USH2A: variants seen among roughly 807,000 people sequenced by gnomAD.
USH2A encodes usherin, also known as Usher syndrome 2A (autosomal recessive, mild).
USH2A carries 443 observed loss-of-function variants against 538.9 expected under a neutral mutation model. The observed-to-expected ratio is 0.82, with a 90% CI of 0.76 to 0.89. The LOEUF (loss-of-function observed/expected upper bound fraction) is 0.89, where lower values mean the gene tolerates loss of function less well. Ranked by LOEUF, USH2A falls within the 40% of genes least tolerant of loss-of-function variation. The pLI is 0.00. For synonymous variants in USH2A, 2,413 were observed against 2,273.5 expected (o/e 1.06, Z -1.75); for missense variants, 6,633 against 6,324.8 (o/e 1.05, Z -1.65).
intron 32 of USH2A, among the ~76,000 whole-genome samples, chr1:216,029,793 A>G (rs746710020): frequency 2.6e-5 from 4 of 151,574 alleles, no homozygotes; most frequent in Non-Finnish European, 5.9e-5. Context: ...CAAAACCATT[A>G]CCAGGGTCAT....
intron 21 of USH2A, among the ~76,000 whole-genome samples, chr1:216,140,375 T>C (rs2033577843): frequency 1.3e-5 from 2 of 152,206 alleles, no homozygotes; most frequent in Non-Finnish European, 2.9e-5. Context: ...CTAGACTTCT[T>C]AGGGCCATAG....
At chr1:216,383,978 G>A (rs1001138768) in intron 3 of USH2A, among the ~76,000 whole-genome samples, 7 of 150,122 alleles carry the variant, frequency 4.7e-5, no homozygotes, top group Non-Finnish European at 1.0e-4. Context: ...TGGGACTATC[G>A]GCATGGGGCA....
chr1:216,243,771 T>C lies in USH2A; in HGVS notation c.2809+2814A>G, dbSNP rs1399814795. On this transcript the variant is annotated intron_variant, in intron 13 of 71. Coordinates refer to ENST00000307340, the MANE Select transcript of USH2A (RefSeq NM_206933.4). The stretch of plus-strand genomic sequence containing the variant: ...CTGGTACATTTTCTACTAAATATTT[T>C]ACAATACGCTGTTGAATTTTTTCAG... 2.6e-5 allele frequency among the ~76,000 whole-genome samples: 4 copies of C among 152,182 alleles called. No homozygotes were observed. The South Asian group carries it at 6.2e-4, about 24-fold the overall frequency.
At chr1:215,640,462 T>G in intron 68 of USH2A, 96 bp downstream of exon 68, 1 of 1,509,378 alleles carries the variant, frequency 6.6e-7, no homozygotes, top group Non-Finnish European at 9.2e-7. Context: ...GACATTTTAA[T>G]GGTGAGCATC....
intron 71 of USH2A, among the ~76,000 whole-genome samples, chr1:215,628,380 T>A (rs1656134558): frequency 6.6e-6 from 1 of 152,038 alleles, no homozygotes; most frequent in Non-Finnish European, 1.5e-5. Context: ...CCTCCTGGGT[T>A]CAAGCAATTC....
chr1:215,816,025 G>A (rs1412347539), intron 48 of USH2A, among the ~76,000 whole-genome samples: 3 of 151,906 alleles, frequency 2.0e-5, no homozygotes, highest in Non-Finnish European at 4.4e-5. Context: ...AATAATAGAA[G>A]CAAAGAAAAA....
intron 32 of USH2A, among the ~76,000 whole-genome samples, chr1:216,030,010 T>C (rs146226599): frequency 1.4e-3 from 207 of 147,392 alleles, no homozygotes; most frequent in African/African-American, 5.0e-3. Context: ...TAATATATGA[T>C]ATATATGATA....
chr1:216,040,048 TACACACACAC>T (rs59691309), intron 32 of USH2A, among the ~76,000 whole-genome samples: 10,019 of 145,990 alleles, frequency 0.069, 935 homozygotes, highest in African/African-American at 0.21. Flanking sequence ...GTCTCTCAAT[TACACACACAC>T]ACACACACAC....
intron 40 of USH2A, among the ~76,000 whole-genome samples, chr1:215,895,914 A>T (rs1439380400): frequency 6.6e-6 from 1 of 152,198 alleles, no homozygotes; most frequent in African/African-American, 2.4e-5. Context: ...AAACCTGTAC[A>T]GCATGTTACT....
At chr1:216,120,739 C>G (rs2033120392) in intron 21 of USH2A, among the ~76,000 whole-genome samples, 1 of 151,930 alleles carries the variant, frequency 6.6e-6, no homozygotes, top group Admixed American at 6.6e-5. Context: ...GTAGTCCCAA[C>G]TACTCAGGAA....
intron 43 of USH2A, among the ~76,000 whole-genome samples, chr1:215,869,035 A>G (rs998176835): frequency 5.9e-5 from 9 of 152,262 alleles, no homozygotes; most frequent in Admixed American, 5.9e-4. Flanking sequence ...AGTGCTGAAT[A>G]GTCCACATAA....
chr1:216,029,914 A>G (rs573895779), intron 32 of USH2A, among the ~76,000 whole-genome samples: 115 of 150,832 alleles, frequency 7.6e-4, no homozygotes, highest in African/African-American at 2.8e-3. Flanking sequence ...AAGACATGGA[A>G]TCAACCTAAA....
chr1:215,993,070 T>C lies in USH2A; in HGVS notation c.6755A>G (p.Tyr2252Cys). Residue 2252 changes from tyrosine (Y) to cysteine (C), a missense_variant, in exon 35 of 72, where the codon TAT becomes TGT. By Grantham distance (194) the Tyr-to-Cys change is radical. Transcript: ENST00000307340. ...EGVPAPKAHSYSPDSFNVSWT... is the reference protein window; with the variant it reads ...EGVPAPKAHSCSPDSFNVSWT... ...GGAGACATTAAAGGAGTCAGGTGAA[T>C]ATGAGTGGGCTTTGGGGGCTGGCAC... 6.2e-7 allele frequency: 1 copy of C among 1,614,124 alleles called. No homozygotes were observed. The highest frequency in any genetic ancestry group is 8.5e-7 in the Non-Finnish European group (1 of 1,179,984).
At chr1:216,224,028 T>A (rs1057089791) in intron 14 of USH2A, among the ~76,000 whole-genome samples, 1 of 152,186 alleles carries the variant, frequency 6.6e-6, no homozygotes, top group Admixed American at 6.6e-5. Context: ...TGTCCTACCC[T>A]CTATGGACAA....
chr1:215,671,370 CT>C, intron 63 of USH2A, 77 bp from the exon 64 acceptor site: 1 of 1,407,650 alleles, frequency 7.1e-7, no homozygotes, highest in Non-Finnish European at 9.8e-7. Context: ...AACACCAGGC[CT>C]TAAAAAAAAA....
intron 32 of USH2A, among the ~76,000 whole-genome samples, chr1:216,031,667 T>G (rs1486873260): frequency 6.6e-6 from 1 of 152,174 alleles, no homozygotes; most frequent in Non-Finnish European, 1.5e-5. Flanking sequence ...GATTGTCTTG[T>G]GGTATTTCTG....
chr1:216,327,593 G>A lies in USH2A; in HGVS notation c.846C>T (p.Asn282=). 1 of 1,613,064 alleles carries A rather than the reference G, an allele frequency of 6.2e-7. No individual in the cohort carries two copies. Among genetic ancestry groups the A allele is most frequent in the Non-Finnish European group, 8.5e-7 (1 of 1,179,384 alleles). The change falls in exon 5 of 72, where the codon AAC becomes AAT. Residue 282 remains asparagine, a splice_region_variant and synonymous_variant. Coordinates refer to ENST00000307340, the MANE Select transcript of USH2A (RefSeq NM_206933.4). ...DFRLYQVALT[N]REILEVFSGD... ...TTTACAATGCAACATCTGCTTACCT[G>A]TTTGTAAGTGCCACTTGGTATAATC...
chr1:216,208,260 G>A (rs753608744), intron 15 of USH2A, among the ~76,000 whole-genome samples: 12 of 152,064 alleles, frequency 7.9e-5, no homozygotes, highest in Non-Finnish European at 1.3e-4. Context: ...ACCAGTTTAC[G>A]TACTATTTTC....
At chr1:215,779,786 C>A in intron 55 of USH2A, 57 bp downstream of exon 55, 2 of 1,599,882 alleles carry the variant, frequency 1.3e-6, no homozygotes, top group Non-Finnish European at 1.7e-6. Flanking sequence ...TGCTTTGCCC[C>A]CCTAACCACA....
Sources: gnomAD v4.1 joint callset for allele counts (sites outside exome capture counted in the v4.1 genomes callset) on GRCh38, gnomAD v4.1.1 for gene constraint, MANE v1.5 for transcripts, NCBI Gene and HGNC (gene_info 2026-07-23, HGNC 2026-07-21) for gene names.